Variants in DUSP5 observed in about 807,000 individuals in gnomAD.
DUSP5 encodes the protein dual specificity phosphatase 5, also known as dual specificity protein phosphatase 5.
Under a neutral mutation model 33.6 loss-of-function variants are expected in DUSP5, and 22 were observed. That is an observed-to-expected ratio of 0.66 (90% CI 0.47 to 0.94). The LOEUF is 0.94. DUSP5 is among the 40% of genes least tolerant of loss of function. DUSP5 has a pLI of 0.00. For missense variants in DUSP5, 551 were observed against 522.1 expected (o/e 1.06, Z -0.54); for synonymous variants, 270 against 231.1 (o/e 1.17, Z -1.53).
At chr10:110,501,234 G>T (rs1319546689) in intron 1 of DUSP5, among the ~76,000 whole-genome samples, 13 of 152,222 alleles carry the variant, frequency 8.5e-5, no homozygotes. Context: ...GGGCCCAGGG[G>T]CTATGGCAGA....
intron 3 of DUSP5, among the ~76,000 whole-genome samples, chr10:110,509,360 G>T (rs180964680): frequency 2.0e-5 from 3 of 152,192 alleles, no homozygotes; most frequent in Non-Finnish European, 4.4e-5. Flanking sequence ...TCTAGTAGGC[G>T]TCACTTAGCC....
intron 3 of DUSP5, 129 bp from the exon 4 acceptor site, chr10:110,509,891 T>A (rs1397013247): frequency 8.0e-7 from 1 of 1,255,136 alleles, no homozygotes; most frequent in Non-Finnish European, 1.1e-6. Flanking sequence ...AAGTGTAGTG[T>A]AGGGCCGTGG....
In DUSP5 at chr10:110,497,992, T is replaced by C; in HGVS notation, c.-130T>C. On this transcript the variant is annotated 5_prime_UTR_variant, in exon 1 of 4. Transcript: ENST00000369583. Reference sequence around the variant, plus strand: ...TTGCGCCGCCGCTCGGGCGCCGGGCTCCGTCGCGGCCGCAGCCCCGCGGGT... The same window carrying C: ...TTGCGCCGCCGCTCGGGCGCCGGGCCCCGTCGCGGCCGCAGCCCCGCGGGT... The C allele has an allele frequency of 1.3e-6, 1 of 744,164 alleles. No individual in the cohort carries two copies. The highest frequency in any genetic ancestry group is 1.9e-5 in the African/African-American group (1 of 52,154). 46.1% of individuals were successfully genotyped at this position (744,164 alleles called of 1,614,324 possible). A position where few individuals can be genotyped will look rare whatever the true frequency, so the allele number is the denominator to read the frequency against.
chr10:110,505,943 C>T (rs1057444750), intron 2 of DUSP5, among the ~76,000 whole-genome samples: 23 of 152,254 alleles, frequency 1.5e-4, no homozygotes, highest in African/African-American at 5.3e-4. Context: ...AACAAACCCC[C>T]GTGTGAAGAA....
chr10:110,504,276 C>A (rs1049235334), intron 2 of DUSP5, among the ~76,000 whole-genome samples: 4 of 152,188 alleles, frequency 2.6e-5, no homozygotes, highest in African/African-American at 9.7e-5. Flanking sequence ...TCTGGGGAAC[C>A]CCCTAATGCT....
At chr10:110,506,533 A>G (rs902641432) in intron 2 of DUSP5, among the ~76,000 whole-genome samples, 2 of 152,204 alleles carry the variant, frequency 1.3e-5, no homozygotes, top group African/African-American at 4.8e-5. Context: ...AAAGAAAGCA[A>G]GACTGTCCCA....
chr10:110,498,608 A>T, intron 1 of DUSP5, 108 bp downstream of exon 1: 1 of 1,316,378 alleles, frequency 7.6e-7, no homozygotes, highest in Non-Finnish European at 9.7e-7. Context: ...CACCACCTGC[A>T]GGAGTCTGCA....
chr10:110,507,210 C>G, intron 3 of DUSP5, 56 bp downstream of exon 3: 1 of 1,549,518 alleles, frequency 6.5e-7, no homozygotes. Context: ...GGCATGTGTT[C>G]TTGACTTTTG....
rs774358342 is a variant in DUSP5, at chr10:110,506,985, T to C, written c.579T>C (p.His193=). The C allele has an allele frequency of 4.5e-5, 73 of 1,614,030 alleles. No homozygotes were observed. The highest frequency in any genetic ancestry group is 5.1e-6 in the Non-Finnish European group (6 of 1,179,986). Residue 193 remains histidine (H), a synonymous_variant, in exon 3 of 4, where the codon CAT becomes CAC. Transcript: ENST00000369583. ...LPFLYLGSAY[H]ASKCEFLANL... is the part of the protein sequence containing the mutation. ...TCCTCTACCTTGGAAGTGCCTACCA[T>C]GCATCCAAGTGCGAGTTCCTCGCCA...
rs1860168349 is a variant in DUSP5, at chr10:110,510,101, A to G, written c.830A>G (p.Tyr277Cys). Residue 277 changes from tyrosine to cysteine, a missense_variant, in exon 4 of 4, where the codon TAC (tyrosine) becomes TGC (cysteine). This residue lies in a region of DUSP5 where 158 missense variants were observed against 181.8 expected (regional missense o/e 0.87). Coordinates refer to ENST00000369583, the MANE Select transcript of DUSP5 (RefSeq NM_004419.4). ...ISRSPTICMA[Y>C]LMKTKQFRLK... Reference sequence around the variant, plus strand: ...CGTTCACCCACCATCTGCATGGCTTACCTTATGAAGACCAAGCAGTTCCGC... The same window carrying G: ...CGTTCACCCACCATCTGCATGGCTTGCCTTATGAAGACCAAGCAGTTCCGC... 6.2e-7 allele frequency: 1 copy of G among 1,614,034 alleles called. No homozygotes were observed. The highest frequency in any genetic ancestry group is 1.3e-5 in the African/African-American group (1 of 74,910).
intron 1 of DUSP5, 112 bp from the exon 2 acceptor site, chr10:110,502,609 A>AT (rs1427303976): frequency 4.8e-5 from 64 of 1,320,260 alleles, no homozygotes; most frequent in Non-Finnish European, 5.6e-5. Context: ...GTACTGGCTT[A>AT]TTTTTTTTCT....
In DUSP5 at chr10:110,507,073, C is replaced by T; in HGVS notation, c.667C>T (p.Leu223=). ...GACCTCCGAGGCCTGCGCGACCCAC[C>T]TACACTACAAATGGATCCCTGTGGA... ...RRTSEACATH[L]HYKWIPVEDS... Residue 223 remains leucine (L), a synonymous_variant, in exon 3 of 4, where the codon CTA becomes TTA. Coordinates refer to ENST00000369583, the MANE Select transcript of DUSP5 (RefSeq NM_004419.4). 6.2e-7 allele frequency: 1 copy of T among 1,614,250 alleles called. No individual in the cohort carries two copies. The highest frequency in any genetic ancestry group is 8.5e-7 in the Non-Finnish European group (1 of 1,180,044).
chr10:110,499,746 GGC>G (rs1860018715), intron 1 of DUSP5, among the ~76,000 whole-genome samples: 1 of 152,176 alleles, frequency 6.6e-6, no homozygotes, highest in African/African-American at 2.4e-5. Flanking sequence ...ATAGAGGGTT[GGC>G]CCTCTGGCTC....
At position 110,506,956 on chromosome 10, in the gene DUSP5, C is replaced by A. The variant is rs771329852; in HGVS notation, c.550C>A (p.Pro184Thr). ...CCAGGGTGGCCCAGTTGAAATCCTTCCCTTCCTCTACCTTGGAAGTGCCTA... is the reference window on the plus strand; with the variant it reads ...CCAGGGTGGCCCAGTTGAAATCCTTACCTTCCTCTACCTTGGAAGTGCCTA... ...YDQGGPVEIL[P>T]FLYLGSAYHA... Residue 184 changes from proline to threonine, a missense_variant, in exon 3 of 4, where the codon CCC (proline) becomes ACC (threonine). This residue lies in a region of DUSP5 where 381 missense variants were observed against 310.4 expected (regional missense o/e 1.23). Transcript: ENST00000369583. 3.7e-6 allele frequency: 6 copies of A among 1,614,042 alleles called. No homozygotes were observed. In the African/African-American group the frequency reaches 8.0e-5, roughly 22 times the overall value.
At position 110,502,813 on chromosome 10, in the gene DUSP5, A is replaced by G; in HGVS notation, c.472A>G (p.Ile158Val). Reference sequence around the variant, plus strand: ...GAAGATTGAGAGTGAGAGAGCCCTCATCAGCCAGTGTGGAAAACCAGTGGT... The same window carrying G: ...GAAGATTGAGAGTGAGAGAGCCCTCGTCAGCCAGTGTGGAAAACCAGTGGT... Reference protein sequence around the residue: ...QEKIESERALISQCGKPVVNV... With the variant: ...QEKIESERALVSQCGKPVVNV... Residue 158 changes from isoleucine (I) to valine (V), a missense_variant, in exon 2 of 4, where the codon ATC becomes GTC. Around this residue, in one of 3 missense-constraint regions of DUSP5, gnomAD observed 381 missense variants for 310.4 expected, o/e 1.23. Coordinates refer to ENST00000369583, the MANE Select transcript of DUSP5 (RefSeq NM_004419.4). 1 of 1,614,256 alleles carries G rather than the reference A, an allele frequency of 6.2e-7. No homozygotes were observed.
rs560715849 is a variant in DUSP5, at chr10:110,498,105, CCGGCGG to C, written c.-6_-1del. ...GGGGCGCGCGGCGCGGGGCCGCTGG[CCGGCGG>C]CGGCGGCGGCATGAAGGTCACGTCG... On this transcript the variant is annotated 5_prime_UTR_variant, in exon 1 of 4. Coordinates refer to ENST00000369583, the MANE Select transcript of DUSP5 (RefSeq NM_004419.4). 1.6e-4 allele frequency: 212 copies of C among 1,292,250 alleles called. 1 individual carries two copies. In the South Asian group the frequency reaches 1.7e-3, roughly 10 times the overall value. 80.0% of individuals were successfully genotyped at this position (1,292,250 alleles called of 1,614,324 possible).
At position 110,502,996 on chromosome 10, in the gene DUSP5, T is replaced by C. The variant is rs974844068; in HGVS notation, c.528+127T>C. 5 of 1,302,748 alleles carry C rather than the reference T, an allele frequency of 3.8e-6. No homozygotes were observed. In the African/African-American group the frequency reaches 7.4e-5, roughly 19 times the overall value. 80.7% of individuals were successfully genotyped at this position (1,302,748 alleles called of 1,614,324 possible). On this transcript the variant is annotated intron_variant, in intron 2 of 3. Coordinates refer to ENST00000369583, the MANE Select transcript of DUSP5 (RefSeq NM_004419.4). ...TGGTTAGTTCTTTTGTGGATCAGGGTGTTGGCAAAATCCCCTGGCTTTAGG... is the reference window on the plus strand; with the variant it reads ...TGGTTAGTTCTTTTGTGGATCAGGGCGTTGGCAAAATCCCCTGGCTTTAGG...
chr10:110,500,938 A>T (rs1860039500), intron 1 of DUSP5, among the ~76,000 whole-genome samples: 1 of 152,194 alleles, frequency 6.6e-6, no homozygotes, highest in South Asian at 2.1e-4. Context: ...CGAACCTCTT[A>T]TCTGTCCTCC....
In DUSP5 at chr10:110,510,359, C is replaced by T. The variant is rs150805476; in HGVS notation, c.1088C>T (p.Pro363Leu). 81 of 1,612,250 alleles carry T rather than the reference C, an allele frequency of 5.0e-5. No homozygotes were observed. Among genetic ancestry groups the T allele is most frequent in the Admixed American group, 6.7e-5 (4 of 59,906 alleles). Residue 363 changes from proline (P) to leucine (L), a missense_variant, in exon 4 of 4, where the codon CCG (proline) becomes CTG (leucine). By Grantham distance (98) the Pro-to-Leu change is moderately conservative. This residue lies in a region of DUSP5 where 158 missense variants were observed against 181.8 expected (regional missense o/e 0.87). Coordinates refer to ENST00000369583, the MANE Select transcript of DUSP5 (RefSeq NM_004419.4). ...ACATTCCCTGCCTCGGTGCTGGCAC[C>T]GGTGCCTACCCACTCAACAGTCTCA... is the stretch of plus-strand genomic sequence containing the variant. The part of the protein sequence containing the change: ...YCTFPASVLA[P>L]VPTHSTVSEL...
Sources: allele counts gnomAD v4.1 joint callset (sites outside exome capture counted in the v4.1 genomes callset), GRCh38; gene constraint gnomAD v4.1.1; regional missense constraint gnomAD v4.1.1; transcripts MANE v1.5; gene names NCBI Gene and HGNC (gene_info 2026-07-23, HGNC 2026-07-21).